Variants in CADPS observed in about 807,000 individuals in gnomAD.
CADPS encodes the protein calcium dependent secretion activator.
A neutral mutation model predicts 167.3 loss-of-function variants in CADPS; 57 were observed. That is an observed-to-expected ratio of 0.34 (90% CI 0.28 to 0.42). The LOEUF (loss-of-function observed/expected upper bound fraction) is 0.42, where lower values mean the gene tolerates loss of function less well. Among genes scored for constraint, CADPS ranks in the 20% least tolerant of loss-of-function variants. The pLI, the probability that CADPS is intolerant of heterozygous loss-of-function variation, is 1.00. For missense variants in CADPS, 1,414 were observed against 1,738.1 expected, an observed-to-expected ratio of 0.81 and a Z score of 3.32; for synonymous variants, 676 against 635.3, an observed-to-expected ratio of 1.06 and a Z score of -0.96.
intron 13 of CADPS, among the ~76,000 whole-genome samples, chr3:62,521,953 G>A (rs753762242): frequency 1.3e-5 from 2 of 152,164 alleles, no homozygotes; most frequent in Non-Finnish European, 2.9e-5. Flanking sequence ...GAATCCTTAC[G>A]TTGAATAAAT....
chr3:62,435,689 G>A (rs189864450), intron 28 of CADPS, among the ~76,000 whole-genome samples: 90 of 151,968 alleles, frequency 5.9e-4, no homozygotes, highest in Middle Eastern at 3.4e-3. Flanking sequence ...CCACGGGGCC[G>A]GGAGTGATGT....
At chr3:62,468,606 C>T (rs759890167) in intron 24 of CADPS, among the ~76,000 whole-genome samples, 2 of 152,142 alleles carry the variant, frequency 1.3e-5, no homozygotes, top group Non-Finnish European at 2.9e-5. Flanking sequence ...ATGGTTGAGA[C>T]ATCGTGGCTT....
chr3:62,831,024 T>C (rs1214424027), intron 1 of CADPS, among the ~76,000 whole-genome samples: 3 of 152,134 alleles, frequency 2.0e-5, no homozygotes, highest in Non-Finnish European at 4.4e-5. Context: ...GACAAATATG[T>C]ACATTTCAAA....
chr3:62,713,958 T>A (rs568126999), intron 3 of CADPS, among the ~76,000 whole-genome samples: 479 of 152,294 alleles, frequency 3.1e-3, no homozygotes, highest in Non-Finnish European at 5.1e-3. Flanking sequence ...TTTAAAAAAA[T>A]TTCTCTATAT....
At chr3:62,586,917 G>C (rs1331125927) in intron 7 of CADPS, among the ~76,000 whole-genome samples, 1 of 152,244 alleles carries the variant, frequency 6.6e-6, no homozygotes, top group East Asian at 1.9e-4. Context: ...TGTGGTGGCT[G>C]TGGTGTTATT....
chr3:62,732,276 G>C (rs1472816739), intron 3 of CADPS, among the ~76,000 whole-genome samples: 1 of 152,202 alleles, frequency 6.6e-6, no homozygotes, highest in Non-Finnish European at 1.5e-5. Context: ...TGTGACTGCT[G>C]TACTGCAAAC....
intron 28 of CADPS, among the ~76,000 whole-genome samples, chr3:62,414,900 C>G (rs1453418768): frequency 6.6e-6 from 1 of 152,148 alleles, no homozygotes; most frequent in African/African-American, 2.4e-5. Context: ...ACCCACTCTC[C>G]CCTCAAAGTA....
chr3:62,415,073 C>T (rs1239458126), intron 28 of CADPS, among the ~76,000 whole-genome samples: 1 of 152,154 alleles, frequency 6.6e-6, no homozygotes, highest in Non-Finnish European at 1.5e-5. Context: ...GGCTTAATTT[C>T]TTTTCTTTCT....
intron 4 of CADPS, among the ~76,000 whole-genome samples, chr3:62,653,830 C>T (rs753195776): frequency 6.6e-6 from 1 of 152,042 alleles, no homozygotes; most frequent in Non-Finnish European, 1.5e-5. Context: ...CTGAAATCCA[C>T]TCCGCAACGT....
At chr3:62,790,428 T>G (rs1278524899) in intron 1 of CADPS, among the ~76,000 whole-genome samples, 1 of 152,216 alleles carries the variant, frequency 6.6e-6, no homozygotes, top group African/African-American at 2.4e-5. Flanking sequence ...TATGTCTCCA[T>G]GTATATTTGT....
At chr3:62,448,858 C>T (rs1282973061) in intron 26 of CADPS, among the ~76,000 whole-genome samples, 1 of 152,146 alleles carries the variant, frequency 6.6e-6, no homozygotes, top group Non-Finnish European at 1.5e-5. Context: ...AGGTGATCTG[C>T]CTGCCTCGGC....
intron 1 of CADPS, among the ~76,000 whole-genome samples, chr3:62,828,405 T>G (rs1440046901): frequency 6.6e-6 from 1 of 152,098 alleles, no homozygotes; most frequent in Non-Finnish European, 1.5e-5. Context: ...TTTAAAGTAA[T>G]TGGGCAAAAA....
chr3:62,418,452 G>A (rs2050628272), intron 28 of CADPS, among the ~76,000 whole-genome samples: 1 of 141,924 alleles, frequency 7.0e-6, no homozygotes, highest in Non-Finnish European at 1.5e-5. Context: ...AGCACCCCAA[G>A]TAGTTGGGAC....
At chr3:62,858,272 G>C (rs1382544047) in intron 1 of CADPS, among the ~76,000 whole-genome samples, 1 of 152,110 alleles carries the variant, frequency 6.6e-6, no homozygotes, top group East Asian at 1.9e-4. Flanking sequence ...ATTCAGCCTT[G>C]GCTTCAGCCT....
At chr3:62,870,496 T>G (rs1295745540) in intron 1 of CADPS, among the ~76,000 whole-genome samples, 2 of 152,176 alleles carry the variant, frequency 1.3e-5, no homozygotes, top group Non-Finnish European at 2.9e-5. Context: ...AGGAAAGAAT[T>G]TCTATGGCTA....
intron 9 of CADPS, among the ~76,000 whole-genome samples, chr3:62,567,806 C>G (rs2152431194): frequency 6.6e-6 from 1 of 152,062 alleles, no homozygotes; most frequent in African/African-American, 2.4e-5. Flanking sequence ...AACTCCTGAA[C>G]CCATGTGATC....
intron 14 of CADPS, among the ~76,000 whole-genome samples, chr3:62,516,936 G>T (rs543795714): frequency 6.6e-6 from 1 of 152,234 alleles, no homozygotes; most frequent in South Asian, 2.1e-4. Flanking sequence ...AGAACTATTT[G>T]TTAGCTCAAA....
In CADPS at chr3:62,437,844, C is replaced by T. The variant is rs182833295; in HGVS notation, c.3777+260G>A. Among the ~76,000 whole-genome samples, 28 of 152,208 alleles carry T rather than the reference C, an allele frequency of 1.8e-4. No individual in the cohort carries two copies. In the East Asian group the frequency reaches 5.4e-3, roughly 30 times the overall value. On this transcript the variant is annotated intron_variant, in intron 28 of 29. Transcript: ENST00000383710. ...AGAGAGCTGCCTTGCAAGCTTCGTGCAGGAATGAGCCTGCTTGCCGAGAGG... is the reference window on the plus strand; with the variant it reads ...AGAGAGCTGCCTTGCAAGCTTCGTGTAGGAATGAGCCTGCTTGCCGAGAGG...
intron 3 of CADPS, among the ~76,000 whole-genome samples, chr3:62,695,972 T>C (rs1223709903): frequency 6.6e-6 from 1 of 152,036 alleles, no homozygotes; most frequent in Non-Finnish European, 1.5e-5. Context: ...CTCCCACGTA[T>C]ACACGTTAAA....
Sources: allele counts gnomAD v4.1 joint callset (sites outside exome capture counted in the v4.1 genomes callset), GRCh38; gene constraint gnomAD v4.1.1; transcripts MANE v1.5; gene names NCBI Gene and HGNC (gene_info 2026-07-23, HGNC 2026-07-21).